APP: variants seen among roughly 807,000 people sequenced by gnomAD.
APP encodes amyloid-beta precursor protein.
In APP, 31 loss-of-function variants were observed where a neutral mutation model predicts 101.4. The ratio of observed to expected loss-of-function variants is 0.31; its 90% CI spans 0.23 to 0.41. APP has a LOEUF of 0.41. Among genes scored for constraint, APP ranks in the 10% least tolerant of loss-of-function variants. The pLI is 1.00. For missense variants in APP, 839 were observed against 1,003.7 expected (o/e 0.84, Z 2.22); for synonymous variants, 366 against 364.4 (o/e 1.00, Z -0.05).
intron 15 of APP, among the ~76,000 whole-genome samples, chr21:25,901,361 T>C (rs184304007): frequency 2.7e-5 from 4 of 145,996 alleles, no homozygotes; most frequent in African/African-American, 1.0e-4. Flanking sequence ...AAGCCCACAC[T>C]ACTTTTGAAA....
intron 3 of APP, among the ~76,000 whole-genome samples, chr21:26,071,961 T>C (rs2061419056): frequency 6.6e-6 from 1 of 152,210 alleles, no homozygotes; most frequent in Admixed American, 6.5e-5. Flanking sequence ...ATTCTAGAGA[T>C]TCACTTCATT....
intron 5 of APP, among the ~76,000 whole-genome samples, chr21:26,046,676 T>C (rs544307034): frequency 6.6e-6 from 1 of 152,202 alleles, no homozygotes; most frequent in Middle Eastern, 3.4e-3. Context: ...TTAAAAAAAA[T>C]GTGAGTACCT....
intron 5 of APP, among the ~76,000 whole-genome samples, chr21:26,043,264 C>G (rs2045457155): frequency 6.6e-6 from 1 of 151,568 alleles, no homozygotes; most frequent in Non-Finnish European, 1.5e-5. Context: ...GAGACAGAGT[C>G]TTGCTCTGTT....
Position 26,071,654 on chromosome 21 carries a change from G to A in APP, c.355+18289C>T, listed in dbSNP as rs574228441. ...GAAAGGAAAATTACAGTTAGGATCT[G>A]CTGTGTTTTAACCCAGAACTGTGGT... On this transcript the variant is annotated intron_variant, in intron 3 of 17. Coordinates refer to ENST00000346798, the MANE Select transcript of APP (RefSeq NM_000484.4). Among the ~76,000 whole-genome samples, 6 of 152,336 alleles carry A rather than the reference G, an allele frequency of 3.9e-5. No individual in the cohort carries two copies. In the East Asian group the frequency reaches 1.2e-3, roughly 29 times the overall value.
chr21:25,940,660 C>T (rs1353184020), intron 13 of APP, among the ~76,000 whole-genome samples: 2 of 151,996 alleles, frequency 1.3e-5, no homozygotes, highest in African/African-American at 4.8e-5. Flanking sequence ...TGGGTTTTCA[C>T]CTTAAACATT....
At chr21:25,968,934 T>C (rs1390567581) in intron 11 of APP, among the ~76,000 whole-genome samples, 1 of 152,074 alleles carries the variant, frequency 6.6e-6, no homozygotes, top group Non-Finnish European at 1.5e-5. Context: ...CCAGGCACGG[T>C]GGTTAAGTAT....
At chr21:25,962,396 C>A (rs2041618993) in intron 11 of APP, among the ~76,000 whole-genome samples, 1 of 152,148 alleles carries the variant, frequency 6.6e-6, no homozygotes. Context: ...AGGCACAGTT[C>A]CTGCCACAAT....
At chr21:26,120,447 C>T (rs982206943) in intron 1 of APP, among the ~76,000 whole-genome samples, 1 of 152,048 alleles carries the variant, frequency 6.6e-6, no homozygotes, top group African/African-American at 2.4e-5. Flanking sequence ...GGTCACCATG[C>T]CTGGCCATAA....
At position 26,001,653 on chromosome 21, in the gene APP, C is replaced by T. The variant is rs1432327541; in HGVS notation, c.866-1471G>A. ...AGCTGGGATTACCCTTGTACCAGCACGCCTGGCTAATTTTTTGGTATTTTT... is the reference window on the plus strand; with the variant it reads ...AGCTGGGATTACCCTTGTACCAGCATGCCTGGCTAATTTTTTGGTATTTTT... On this transcript the variant is annotated intron_variant, in intron 6 of 17. Transcript: ENST00000346798. Among the ~76,000 whole-genome samples, 8 of 152,280 alleles carry T rather than the reference C, an allele frequency of 5.3e-5. No homozygotes were observed. The East Asian group carries it at 9.7e-4, about 18-fold the overall frequency.
chr21:25,971,241 G>GT (rs35459219), intron 11 of APP, among the ~76,000 whole-genome samples: 151,931 of 152,238 alleles, frequency 1, 75,812 homozygotes, highest in Middle Eastern at 1. Flanking sequence ...TAGAGACGGG[G>GT]TTCACCATGT....
At chr21:26,088,378 G>A (rs2061746067) in intron 3 of APP, among the ~76,000 whole-genome samples, 1 of 152,166 alleles carries the variant, frequency 6.6e-6, no homozygotes, top group Admixed American at 6.5e-5. Flanking sequence ...AAACATGACT[G>A]CAGTTTTGAG....
intron 5 of APP, among the ~76,000 whole-genome samples, chr21:26,030,318 T>C (rs1485416080): frequency 6.6e-6 from 1 of 152,190 alleles, no homozygotes; most frequent in African/African-American, 2.4e-5. Context: ...TGAAGGACCT[T>C]TCTGGAACTC....
chr21:26,091,313 A>T (rs1455666499), intron 2 of APP, among the ~76,000 whole-genome samples: 1 of 152,214 alleles, frequency 6.6e-6, no homozygotes, highest in Admixed American at 6.5e-5. Flanking sequence ...GGGCTAAAGA[A>T]TGTATGGCGC....
chr21:25,927,161 A>T (rs1354575370), intron 13 of APP, among the ~76,000 whole-genome samples: 2 of 152,212 alleles, frequency 1.3e-5, no homozygotes, highest in Non-Finnish European at 2.9e-5. Context: ...GCAGTAGTCC[A>T]AGGTCACGGA....
At chr21:26,027,289 A>G (rs1232064919) in intron 5 of APP, among the ~76,000 whole-genome samples, 1 of 152,184 alleles carries the variant, frequency 6.6e-6, no homozygotes, top group Admixed American at 6.5e-5. Flanking sequence ...AAGAGTCTAG[A>G]GGCTCCCAGA....
chr21:26,008,867 G>A (rs3787639), intron 6 of APP, among the ~76,000 whole-genome samples: 28,849 of 152,044 alleles, frequency 0.19, 2,904 homozygotes, highest in South Asian at 0.26. Context: ...GGTAAGAATG[G>A]TTTTCCTTTT....
chr21:25,881,907 C>G (rs7278223), intron 17 of APP, 136 bp from the exon 18 acceptor site: 5 of 893,360 alleles, frequency 5.6e-6, no homozygotes. Context: ...TTTTCTCCCC[C>G]ACTTTGACAT....
Position 26,112,000 on chromosome 21 carries a change from G to T in APP, c.204C>A (p.Gly68=). The T allele has an allele frequency of 6.2e-7, 1 of 1,614,114 alleles. No homozygotes were observed. Among genetic ancestry groups the T allele is most frequent in the South Asian group, 1.1e-5 (1 of 91,078 alleles). ...TTACTTCTTGGCAATACTGCAGGAT[G>T]CCTTCCTTGGTATCAATGCAGGTTT... ...GTKTCIDTKE[G]ILQYCQEVYP... Residue 68 remains glycine (G), a synonymous_variant, in exon 2 of 18, where the codon GGC becomes GGA. Transcript: ENST00000346798.
chr21:26,086,358 A>G (rs924510263), intron 3 of APP, among the ~76,000 whole-genome samples: 5 of 152,196 alleles, frequency 3.3e-5, no homozygotes, highest in Non-Finnish European at 7.4e-5. Context: ...TACTTTCCCC[A>G]TGCAGACAAG....
Sources: allele counts gnomAD v4.1 joint callset (sites outside exome capture counted in the v4.1 genomes callset), GRCh38; gene constraint gnomAD v4.1.1; transcripts MANE v1.5; gene names NCBI Gene and HGNC (gene_info 2026-07-23, HGNC 2026-07-21).